The following JAK1 variants were observed in gnomAD, a reference collection of about 807,000 sequenced individuals.
The protein encoded by JAK1 is Janus kinase 1.
Under a neutral mutation model 136.6 loss-of-function variants are expected in JAK1, and 16 were observed. That is an observed-to-expected ratio of 0.12 (90% CI 0.08 to 0.18). The LOEUF (loss-of-function observed/expected upper bound fraction) is 0.18, where lower values mean the gene tolerates loss of function less well. Ranked by LOEUF, JAK1 falls within the 10% of genes least tolerant of loss-of-function variation. The pLI is 1.00. For synonymous variants in JAK1, 492 were observed against 519.5 expected (o/e 0.95, Z 0.72); for missense variants, 859 against 1,450.1 (o/e 0.59, Z 6.62).
chr1:64,904,705 G>C (rs1024320151), intron 1 of JAK1, among the ~76,000 whole-genome samples: 5 of 151,536 alleles, frequency 3.3e-5, no homozygotes, highest in African/African-American at 1.2e-4. Flanking sequence ...CTCTAGAAAA[G>C]GCATTCATTC....
At chr1:64,917,342 A>G (rs1276501270) in intron 1 of JAK1, among the ~76,000 whole-genome samples, 2 of 152,214 alleles carry the variant, frequency 1.3e-5, no homozygotes, top group Non-Finnish European at 2.9e-5. Flanking sequence ...TAGACATCAA[A>G]GATCTCAAAA....
intron 2 of JAK1, among the ~76,000 whole-genome samples, chr1:65,038,321 G>C (rs500406): frequency 0.26 from 38,603 of 149,084 alleles, 5,488 homozygotes; most frequent in East Asian, 0.44. Context: ...GCCTCAGCTT[G>C]CTGAGTAGCT....
Position 64,844,444 on chromosome 1 carries a change from G to C in JAK1, c.2252-229C>G, listed in dbSNP as rs1189122026. On this transcript the variant is annotated intron_variant, in intron 16 of 24. Transcript: ENST00000342505. This position sits in a 1 kb window ranked among gnomAD's most constrained non-coding sequence, Gnocchi z 5.7. ...AGTCTGGGTCACAGCCAGCAGATGG[G>C]TCCCTGCCTCCAAGCTCCCCAGGAG... Among the ~76,000 whole-genome samples the C allele has an allele frequency of 6.6e-6, 1 of 152,210 alleles. No homozygotes were observed. The highest frequency in any genetic ancestry group is 1.5e-5 in the Non-Finnish European group (1 of 68,038).
intron 4 of JAK1, 117 bp from the exon 5 acceptor site, chr1:64,873,640 A>G (rs1215892832): frequency 1.8e-6 from 2 of 1,115,708 alleles, no homozygotes; most frequent in Admixed American, 3.7e-5. Flanking sequence ...AGAAGCAGGC[A>G]GACAACCCTG....
Position 64,873,476 on chromosome 1 carries a change from A to C in JAK1, c.377T>G (p.Val126Gly). ...CTGCTTCTTTGGAGAATGACGCCAC[A>C]CTGACTGCTCATTGTCGTTGGTTCC... ...WHGTNDNEQS[V>G]WRHSPKKQKN... The change falls in exon 5 of 25, where the codon GTG (valine) becomes GGG (glycine). Residue 126 changes from valine (V) to glycine (G), a missense_variant. Around this residue, in one of 4 missense-constraint regions of JAK1, gnomAD observed 353 missense variants for 494.0 expected, o/e 0.71. Coordinates refer to ENST00000342505, the MANE Select transcript of JAK1 (RefSeq NM_002227.4). 1 of 1,614,056 alleles carries C rather than the reference A, an allele frequency of 6.2e-7. No individual in the cohort carries two copies. Among genetic ancestry groups the C allele is most frequent in the East Asian group, 2.2e-5 (1 of 44,894 alleles).
intron 1 of JAK1, among the ~76,000 whole-genome samples, chr1:64,896,756 C>T (rs562394243): frequency 2.0e-5 from 3 of 152,210 alleles, no homozygotes; most frequent in South Asian, 2.1e-4. Flanking sequence ...GAAAAGAGCA[C>T]GTCTGGAGAA....
intron 2 of JAK1, among the ~76,000 whole-genome samples, chr1:64,981,835 T>C (rs1646548675): frequency 6.6e-6 from 1 of 152,202 alleles, no homozygotes; most frequent in African/African-American, 2.4e-5. Flanking sequence ...GCTCCTGTTC[T>C]TTTCACTGTC....
intron 1 of JAK1, among the ~76,000 whole-genome samples, chr1:64,940,687 T>C (rs1178035301): frequency 6.6e-6 from 1 of 152,120 alleles, no homozygotes; most frequent in African/African-American, 2.4e-5. Flanking sequence ...CAAGAGTCAG[T>C]AGGTGGTGAA....
chr1:64,980,995 C>T (rs554538910), intron 2 of JAK1, among the ~76,000 whole-genome samples: 2 of 152,326 alleles, frequency 1.3e-5, no homozygotes, highest in South Asian at 2.1e-4. Context: ...CAATTTTCTA[C>T]CTCAAGCATT....
intron 1 of JAK1, among the ~76,000 whole-genome samples, chr1:65,053,535 G>A (rs1466847899): frequency 6.6e-6 from 1 of 152,154 alleles, no homozygotes; most frequent in Non-Finnish European, 1.5e-5. Flanking sequence ...CAACTGATCT[G>A]AAAGAAATAT....
At chr1:64,906,404 C>T (rs559980491) in intron 1 of JAK1, among the ~76,000 whole-genome samples, 42 of 152,204 alleles carry the variant, frequency 2.8e-4, no homozygotes, top group African/African-American at 9.4e-4. Flanking sequence ...AATTCCCACA[C>T]CATCAACACA....
chr1:65,035,202 C>T (rs1647062508), intron 2 of JAK1, among the ~76,000 whole-genome samples: 1 of 152,182 alleles, frequency 6.6e-6, no homozygotes, highest in African/African-American at 2.4e-5. Context: ...TTCACAGAAT[C>T]ATCACATTGT....
At chr1:64,855,459 C>G in intron 11 of JAK1, 50 bp downstream of exon 11, 1 of 1,568,500 alleles carries the variant, frequency 6.4e-7, no homozygotes, top group Non-Finnish European at 8.7e-7. Context: ...ATCTGGGTCT[C>G]AGCACATTAC....
intron 9 of JAK1, among the ~76,000 whole-genome samples, chr1:64,858,697 A>T (rs1022680039): frequency 4.6e-5 from 7 of 152,224 alleles, no homozygotes. Flanking sequence ...GCCTTTGGGA[A>T]GCTCATATTC....
At chr1:65,000,946 A>G (rs1218006189) in intron 2 of JAK1, among the ~76,000 whole-genome samples, 1 of 151,388 alleles carries the variant, frequency 6.6e-6, no homozygotes, top group Non-Finnish European at 1.5e-5. Flanking sequence ...CGGTGGCGCC[A>G]TGGAAGTTTT....
chr1:64,922,818 C>T (rs1018241167), intron 1 of JAK1, among the ~76,000 whole-genome samples: 1 of 152,118 alleles, frequency 6.6e-6, no homozygotes, highest in Non-Finnish European at 1.5e-5. Flanking sequence ...GCTTTGACAT[C>T]AGTCAAACCT....
chr1:64,988,588 A>G (rs1302089669), intron 2 of JAK1, among the ~76,000 whole-genome samples: 1 of 152,164 alleles, frequency 6.6e-6, no homozygotes, highest in Non-Finnish European at 1.5e-5. Context: ...ATTAAGAAAA[A>G]TAAAAAATGG....
chr1:64,922,016 C>A (rs943036941), intron 1 of JAK1, among the ~76,000 whole-genome samples: 19 of 151,874 alleles, frequency 1.3e-4, no homozygotes, highest in African/African-American at 4.6e-4. Flanking sequence ...CTTCAATCTT[C>A]TCCCGACAGA....
intron 1 of JAK1, among the ~76,000 whole-genome samples, chr1:64,940,466 G>A (rs900042554): frequency 6.6e-6 from 1 of 151,842 alleles, no homozygotes; most frequent in Non-Finnish European, 1.5e-5. Flanking sequence ...ACAGGTGTGT[G>A]CCACCACACC....
Sources: allele counts gnomAD v4.1 joint callset (sites outside exome capture counted in the v4.1 genomes callset), GRCh38; gene constraint gnomAD v4.1.1; regional missense constraint gnomAD v4.1.1; non-coding constraint Gnocchi (gnomAD v3.1); transcripts MANE v1.5; gene names NCBI Gene and HGNC (gene_info 2026-07-23, HGNC 2026-07-21).